LMAN1L: variants seen among roughly 807,000 people sequenced by gnomAD.
LMAN1L encodes the protein protein ERGIC-53-like.
Under a neutral mutation model 58.3 loss-of-function variants are expected in LMAN1L, and 60 were observed. The observed-to-expected ratio is 1.03, with a 90% confidence interval of 0.84 to 1.27. The LOEUF (loss-of-function observed/expected upper bound fraction) is 1.27. Ranked by LOEUF, LMAN1L falls within the 50% of genes most tolerant of loss-of-function variation. The probability of loss-of-function intolerance (pLI) is 0.00; values close to 1 mark genes in which losing one functional copy is unlikely to be tolerated. For synonymous variants in LMAN1L, 280 were observed against 271.6 expected (o/e 1.03, Z -0.31); for missense variants, 629 against 674.0 (o/e 0.93, Z 0.74).
chr15:74,814,188 C>A (rs1325374379), intron 1 of LMAN1L, among the ~76,000 whole-genome samples: 2 of 149,310 alleles, frequency 1.3e-5, no homozygotes, highest in Admixed American at 6.6e-5. Context: ...AAAGCCAGGA[C>A]AAAATATCCC....
At chr15:74,822,499 A>T in intron 10 of LMAN1L, 143 bp from the exon 11 acceptor site, 1 of 644,188 alleles carries the variant, frequency 1.6e-6, no homozygotes, top group Non-Finnish European at 2.7e-6. Flanking sequence ...GAGGTCAGAG[A>T]AACACAGTGT....
chr15:74,819,495 G>C (rs2063907523), intron 6 of LMAN1L: 9 of 574,446 alleles, frequency 1.6e-5, no homozygotes, highest in Non-Finnish European at 2.7e-5. Flanking sequence ...AGTGCCCCTA[G>C]CTGTGAGTTG....
rs1376469154 is a variant in LMAN1L at position 74,821,751 on chromosome 15, T to C, written c.1060-78T>C. 5 of 945,690 alleles carry C rather than the reference T, an allele frequency of 5.3e-6. No individual in the cohort carries two copies. In the East Asian group the frequency reaches 9.7e-5, roughly 18 times the overall value. 58.6% of individuals were successfully genotyped at this position (945,690 alleles called of 1,614,324 possible). On this transcript the variant is annotated intron_variant, in intron 9 of 13. Coordinates refer to ENST00000309664, the MANE Select transcript of LMAN1L (RefSeq NM_021819.3). ...GGTTTTAATCTTGTGTCAGAGCAGCTTAGGCTGGGCTGCTAGTGTGGGGAA... is the reference window on the plus strand; with the variant it reads ...GGTTTTAATCTTGTGTCAGAGCAGCCTAGGCTGGGCTGCTAGTGTGGGGAA...
intron 11 of LMAN1L, 74 bp downstream of exon 11, chr15:74,822,783 T>C (rs2063923185): frequency 9.0e-7 from 1 of 1,110,628 alleles, no homozygotes; most frequent in Non-Finnish European, 1.4e-6. Context: ...CCTTCATTCC[T>C]TCCATCATTT....
chr15:74,825,317 C>T lies in LMAN1L; in HGVS notation c.1452-159C>T, dbSNP rs921712345. 5 of 724,394 alleles carry T rather than the reference C, an allele frequency of 6.9e-6. No homozygotes were observed. In the African/African-American group the frequency reaches 7.0e-5, roughly 10 times the overall value. The allele number at this position is 724,394 out of a possible 1,614,324, so 44.9% of individuals were successfully genotyped here. A position where few individuals can be genotyped will look rare whatever the true frequency, so the allele number is the denominator to read the frequency against. ...AGACCTTACATGCCCAGGGGGAAAGCGTGGACCATATGCAGCGGGCCAAAG... is the reference window on the plus strand; with the variant it reads ...AGACCTTACATGCCCAGGGGGAAAGTGTGGACCATATGCAGCGGGCCAAAG... On this transcript the variant is annotated intron_variant, in intron 13 of 13. Transcript: ENST00000309664.
At position 74,816,783 on chromosome 15, in the gene LMAN1L, G is replaced by A. The variant is rs1034055661; in HGVS notation, c.497+93G>A. 119 of 1,256,994 alleles carry A rather than the reference G, an allele frequency of 9.5e-5. No individual in the cohort carries two copies. In the Middle Eastern group the frequency reaches 2.3e-3, roughly 24 times the overall value. The allele number at this position is 1,256,994 out of a possible 1,614,324, so 77.9% of individuals were successfully genotyped here. A position where few individuals can be genotyped will look rare whatever the true frequency, so the allele number is the denominator to read the frequency against. On this transcript the variant is annotated intron_variant, in intron 4 of 13. Transcript: ENST00000309664. ...CGAGCCCCTGCCCCAGCCTCCTCCA[G>A]CAGGGGGCCCACCCTGCCGGGCCGC... is the stretch of plus-strand genomic sequence containing the variant.
chr15:74,816,581 C>A, intron 3 of LMAN1L, 47 bp downstream of exon 3: 2 of 1,593,352 alleles, frequency 1.3e-6, no homozygotes, highest in Non-Finnish European at 1.7e-6. Context: ...CGCTCACACC[C>A]TCCCCCTCCC....
intron 12 of LMAN1L, 84 bp downstream of exon 12, chr15:74,823,766 C>T: frequency 6.6e-7 from 1 of 1,523,042 alleles, no homozygotes; most frequent in Non-Finnish European, 8.9e-7. Context: ...TTCAGCAGCC[C>T]CAAGCCCTCC....
Position 74,820,746 on chromosome 15 carries a change from G to A in LMAN1L, c.886G>A (p.Asp296Asn), listed in dbSNP as rs2063912879. Residue 296 changes from aspartate (D) to asparagine (N), a missense_variant, in exon 8 of 14, where the codon GAC becomes AAC. Asp to Asn is a conservative substitution (Grantham distance 23). Around this residue, in one of 3 missense-constraint regions of LMAN1L, gnomAD observed 573 missense variants for 597.3 expected, o/e 0.96. Coordinates refer to ENST00000309664, the MANE Select transcript of LMAN1L (RefSeq NM_021819.3). Reference sequence around the variant, plus strand: ...CAGGGAGGATGTAACTCCAAAATCAGACTCTGAAGCTCAAGGAGAAGGTAG... The same window carrying A: ...CAGGGAGGATGTAACTCCAAAATCAAACTCTGAAGCTCAAGGAGAAGGTAG... ...GTREDVTPKS[D>N]SEAQGEGERL... The A allele has an allele frequency of 1.2e-6, 2 of 1,613,266 alleles. No individual in the cohort carries two copies. Among genetic ancestry groups the A allele is most frequent in the Non-Finnish European group, 1.7e-6 (2 of 1,179,802 alleles).
rs761155317 is a variant in LMAN1L at position 74,818,790 on chromosome 15, G to A, written c.570G>A (p.Arg190=). ...FRNRPHPFRA[R]ITYWGQRLRM... ...ACCGGCCACACCCCTTCAGAGCACG[G>A]ATCACCTACTGGGGGCAGAGGCTGC... Residue 190 remains arginine, a synonymous_variant, in exon 5 of 14, where the codon CGG becomes CGA. Coordinates refer to ENST00000309664, the MANE Select transcript of LMAN1L (RefSeq NM_021819.3). The A allele has an allele frequency of 1.4e-5, 23 of 1,611,214 alleles. 1 individual carries two copies. Among genetic ancestry groups the A allele is most frequent in the Non-Finnish European group, 1.9e-5 (22 of 1,179,108 alleles).
chr15:74,817,336 G>A (rs978944969), intron 4 of LMAN1L, among the ~76,000 whole-genome samples: 1 of 152,126 alleles, frequency 6.6e-6, no homozygotes, highest in Non-Finnish European at 1.5e-5. Flanking sequence ...TACCATCCTC[G>A]TTTTAGAGAT....
At chr15:74,822,571 G>A (rs1033819154) in intron 10 of LMAN1L, 71 bp from the exon 11 acceptor site, 16 of 1,265,500 alleles carry the variant, frequency 1.3e-5, no homozygotes, top group South Asian at 1.2e-4. Flanking sequence ...CTGCAGTGCC[G>A]CTGGGAAGGT....
chr15:74,814,876 CA>C (rs1706578643), intron 1 of LMAN1L, among the ~76,000 whole-genome samples: 2 of 152,196 alleles, frequency 1.3e-5, no homozygotes, highest in African/African-American at 4.8e-5. Flanking sequence ...CATAGAGACA[CA>C]GGAGGTAACA....
intron 9 of LMAN1L, 23 bp from the exon 10 acceptor site, chr15:74,821,806 A>T: frequency 6.3e-7 from 1 of 1,579,322 alleles, no homozygotes; most frequent in Non-Finnish European, 8.7e-7. Context: ...TCCAGGGCCA[A>T]GCCTCTCTGA....
At chr15:74,824,250 C>A in intron 12 of LMAN1L, 101 bp from the exon 13 acceptor site, 1 of 1,206,382 alleles carries the variant, frequency 8.3e-7, no homozygotes, top group South Asian at 1.4e-5. Context: ...ACGCCCCAAG[C>A]CTGGGGAAAG....
intron 7 of LMAN1L, 59 bp downstream of exon 7, chr15:74,820,158 G>A: frequency 7.0e-7 from 1 of 1,426,820 alleles, no homozygotes; most frequent in Non-Finnish European, 9.9e-7. Context: ...CCTCACCCAT[G>A]TCATGGTGCC....
At chr15:74,820,476 G>T (rs1596379444) in intron 7 of LMAN1L, 159 bp from the exon 8 acceptor site, 1 of 912,942 alleles carries the variant, frequency 1.1e-6, no homozygotes, top group East Asian at 2.4e-5. Flanking sequence ...AGGGAAGATG[G>T]TGGGGATCTG....
At chr15:74,816,976 G>A (rs1033607908) in intron 4 of LMAN1L, among the ~76,000 whole-genome samples, 3 of 152,124 alleles carry the variant, frequency 2.0e-5, no homozygotes, top group African/African-American at 7.2e-5. Context: ...GGGGTTATTC[G>A]TCCCATTTAC....
Position 74,823,567 on chromosome 15 carries a change from C to T in LMAN1L, c.1208C>T (p.Ala403Val). The T allele has an allele frequency of 6.2e-7, 1 of 1,613,842 alleles. No individual in the cohort carries two copies. ...LQALQEMRDA[A>V]VRMAAEAQVS... is the part of the protein sequence containing the mutation. ...TTACCACCCCCGGTTAGGGATGCAG[C>T]TGTCCGCATGGCTGCAGAAGCCCAG... The change falls in exon 12 of 14, where the codon GCT becomes GTT. Residue 403 changes from alanine (A) to valine (V), a missense_variant. Around this residue, in one of 3 missense-constraint regions of LMAN1L, gnomAD observed 573 missense variants for 597.3 expected, o/e 0.96. Coordinates refer to ENST00000309664, the MANE Select transcript of LMAN1L (RefSeq NM_021819.3).
Sources: gnomAD v4.1 joint callset for allele counts (sites outside exome capture counted in the v4.1 genomes callset) on GRCh38, gnomAD v4.1.1 for gene constraint, gnomAD v4.1.1 regional missense constraint, MANE v1.5 for transcripts, NCBI Gene and HGNC (gene_info 2026-07-23, HGNC 2026-07-21) for gene names.